Variants in GRID2 observed in about 807,000 individuals in gnomAD.
The protein encoded by GRID2 is glutamate receptor ionotropic, delta-2.
A neutral mutation model predicts 114.8 loss-of-function variants in GRID2; 33 were observed. The ratio of observed to expected loss-of-function variants is 0.29; its 90% CI spans 0.22 to 0.38. The LOEUF is 0.38. Among genes scored for constraint, GRID2 ranks in the 10% least tolerant of loss-of-function variants. The probability of loss-of-function intolerance (pLI) is 1.00; values close to 1 mark genes in which losing one functional copy is unlikely to be tolerated. For synonymous variants in GRID2, 505 were observed against 449.9 expected (o/e 1.12, Z -1.55); for missense variants, 1,184 against 1,257.7 (o/e 0.94, Z 0.89).
intron 14 of GRID2, among the ~76,000 whole-genome samples, chr4:93,735,567 A>G (rs909203544): frequency 2.6e-5 from 4 of 152,050 alleles, no homozygotes; most frequent in Non-Finnish European, 4.4e-5. Context: ...ACATTGATCA[A>G]TGTAACTCTG....
intron 2 of GRID2, among the ~76,000 whole-genome samples, chr4:92,625,241 T>G (rs1323352004): frequency 6.6e-6 from 1 of 151,820 alleles, no homozygotes. Flanking sequence ...ATTTTTCAAT[T>G]AAATGGTTAA....
At chr4:92,985,857 T>C (rs1754485610) in intron 2 of GRID2, among the ~76,000 whole-genome samples, 1 of 152,182 alleles carries the variant, frequency 6.6e-6, no homozygotes, top group African/African-American at 2.4e-5. Context: ...TTATAGAAGC[T>C]GACTGAAATA....
chr4:93,128,151 A>T (rs1047612870), intron 4 of GRID2, among the ~76,000 whole-genome samples: 2 of 150,710 alleles, frequency 1.3e-5, no homozygotes, highest in African/African-American at 2.4e-5. Context: ...GGTAGTCAGT[A>T]TGCCTAACTC....
chr4:92,804,309 G>A (rs1218780681), intron 2 of GRID2, among the ~76,000 whole-genome samples: 1 of 151,836 alleles, frequency 6.6e-6, no homozygotes, highest in Non-Finnish European at 1.5e-5. Context: ...ACATTTCAAA[G>A]GATGGATATA....
chr4:93,672,963 A>C (rs1004419064), intron 14 of GRID2, among the ~76,000 whole-genome samples: 2 of 152,206 alleles, frequency 1.3e-5, no homozygotes, highest in Non-Finnish European at 2.9e-5. Flanking sequence ...TTTATATTGA[A>C]TCTCTGTAAT....
intron 2 of GRID2, among the ~76,000 whole-genome samples, chr4:92,651,420 A>G (rs1008644102): frequency 2.0e-5 from 3 of 152,142 alleles, no homozygotes; most frequent in African/African-American, 7.2e-5. Context: ...CTCCGTGGCC[A>G]CTTTGTTCAT....
At chr4:93,466,627 A>T (rs1424574726) in intron 11 of GRID2, among the ~76,000 whole-genome samples, 1 of 152,142 alleles carries the variant, frequency 6.6e-6, no homozygotes, top group Non-Finnish European at 1.5e-5. Context: ...TTGCCATGGC[A>T]GTGGTAAATT....
intron 2 of GRID2, among the ~76,000 whole-genome samples, chr4:92,641,667 A>T (rs1052588863): frequency 6.6e-5 from 10 of 151,700 alleles, no homozygotes; most frequent in East Asian, 3.9e-4. Context: ...AAATTATTTT[A>T]AAAATGCCAA....
intron 2 of GRID2, among the ~76,000 whole-genome samples, chr4:93,037,532 G>A (rs1343274644): frequency 6.6e-6 from 1 of 152,112 alleles, no homozygotes; most frequent in Admixed American, 6.5e-5. Flanking sequence ...TGTCCTGAAT[G>A]GTATTGCCTA....
intron 8 of GRID2, among the ~76,000 whole-genome samples, chr4:93,373,736 T>C (rs1560552970): frequency 6.6e-6 from 1 of 152,202 alleles, no homozygotes; most frequent in Non-Finnish European, 1.5e-5. Context: ...ACTTCTCTCC[T>C]ATGCATCTTG....
chr4:93,486,919 C>T (rs573563273), intron 11 of GRID2, among the ~76,000 whole-genome samples: 16 of 151,738 alleles, frequency 1.1e-4, no homozygotes, highest in Admixed American at 9.2e-4. Context: ...TAATTACTCC[C>T]TCATATATTT....
rs1294623606 is a variant in GRID2, at chr4:93,464,910, C to T, written c.1858+8936C>T. 3.9e-5 allele frequency among the ~76,000 whole-genome samples: 6 copies of T among 152,094 alleles called. No individual in the cohort carries two copies. The South Asian group carries it at 6.2e-4, about 16-fold the overall frequency. On this transcript the variant is annotated intron_variant, in intron 11 of 15. Transcript: ENST00000282020. ...TTTTCTAGCAGTTAGTGTTTATATCCGTTGTTTAAGCTCTACTTTAGCATG... is the reference window on the plus strand; with the variant it reads ...TTTTCTAGCAGTTAGTGTTTATATCTGTTGTTTAAGCTCTACTTTAGCATG...
intron 2 of GRID2, among the ~76,000 whole-genome samples, chr4:93,036,922 A>G (rs1340035901): frequency 6.6e-6 from 1 of 152,164 alleles, no homozygotes; most frequent in Admixed American, 6.5e-5. Context: ...TAACCCTTCA[A>G]TTAACTAAAT....
chr4:93,796,605 G>A (rs1041142804), intron 1 of GRID2, among the ~76,000 whole-genome samples: 11 of 152,278 alleles, frequency 7.2e-5, no homozygotes, highest in African/African-American at 2.2e-4. Flanking sequence ...GTGCCGTGGC[G>A]CTATCTCGGC....
chr4:92,778,166 C>T (rs534636242), intron 2 of GRID2, among the ~76,000 whole-genome samples: 37 of 152,202 alleles, frequency 2.4e-4, no homozygotes, highest in African/African-American at 8.9e-4. Context: ...CCTTATGTTC[C>T]CATCTCAATG....
chr4:93,150,018 C>T (rs1477227788), intron 4 of GRID2, among the ~76,000 whole-genome samples: 2 of 151,844 alleles, frequency 1.3e-5, no homozygotes, highest in Non-Finnish European at 2.9e-5. Flanking sequence ...GTCAATTTTG[C>T]ACTTCGACAG....
At chr4:93,718,051 C>T (rs1297981185) in intron 14 of GRID2, among the ~76,000 whole-genome samples, 2 of 152,150 alleles carry the variant, frequency 1.3e-5, no homozygotes, top group Middle Eastern at 3.4e-3. Context: ...GTCAGGAGAT[C>T]GAGACCATCC....
chr4:93,309,430 A>G (rs1382946594), intron 8 of GRID2, among the ~76,000 whole-genome samples: 1 of 152,088 alleles, frequency 6.6e-6, no homozygotes, highest in Non-Finnish European at 1.5e-5. Flanking sequence ...GCTACTCAGG[A>G]GGCTGAGACA....
chr4:92,782,074 G>C (rs978062928), intron 2 of GRID2, among the ~76,000 whole-genome samples: 1 of 151,960 alleles, frequency 6.6e-6, no homozygotes, highest in Non-Finnish European at 1.5e-5. Flanking sequence ...AAAGTACATT[G>C]AAACAGAAAA....
Sources: gnomAD v4.1 joint callset for allele counts (sites outside exome capture counted in the v4.1 genomes callset) on GRCh38, gnomAD v4.1.1 for gene constraint, MANE v1.5 for transcripts, NCBI Gene and HGNC (gene_info 2026-07-23, HGNC 2026-07-21) for gene names.